Variants in RFX3 observed in about 807,000 individuals in gnomAD.
RFX3 encodes the protein regulatory factor X3.
A neutral mutation model predicts 98.6 loss-of-function variants in RFX3; 14 were observed. The ratio of observed to expected loss-of-function variants is 0.14; its 90% CI spans 0.09 to 0.22. The LOEUF (loss-of-function observed/expected upper bound fraction) is 0.22. RFX3 is among the 10% of genes least tolerant of loss of function. RFX3 has a pLI of 1.00. For synonymous variants in RFX3, 383 were observed against 328.4 expected (o/e 1.17, Z -1.80); for missense variants, 639 against 926.9 (o/e 0.69, Z 4.03).
chr9:3,220,346 CAAAA>C lies in RFX3; in HGVS notation c.*4692_*4695del. On this transcript the variant is annotated 3_prime_UTR_variant, in exon 17 of 17. Coordinates refer to ENST00000617270, the MANE Select transcript of RFX3 (RefSeq NM_001282116.2). ...TTGATTCATTTTGGGAAAAAAAAGA[CAAAA>C]AAAAAAGAAACTTAACCCTTTCTTT... The C allele has an allele frequency of 7.0e-6, 1 of 143,748 alleles. No individual in the cohort carries two copies. The highest frequency in any genetic ancestry group is 2.0e-4 in the East Asian group (1 of 4,958). The allele number at this position is 143,748 out of a possible 1,614,324, so 8.9% of individuals were successfully genotyped here. A position where few individuals can be genotyped will look rare whatever the true frequency, so the allele number is the denominator to read the frequency against.
chr9:3,297,903 A>G (rs1178034841), intron 5 of RFX3, among the ~76,000 whole-genome samples: 1 of 151,958 alleles, frequency 6.6e-6, no homozygotes, highest in East Asian at 1.9e-4. Flanking sequence ...CAAATTTACA[A>G]TGTAAAATAA....
At chr9:3,253,798 T>G (rs1232513353) in intron 14 of RFX3, among the ~76,000 whole-genome samples, 2 of 152,218 alleles carry the variant, frequency 1.3e-5, no homozygotes, top group East Asian at 3.8e-4. Flanking sequence ...TAATGGCATT[T>G]ACAAATTTAC....
intron 1 of RFX3, among the ~76,000 whole-genome samples, chr9:3,399,260 C>A (rs183739606): frequency 8.8e-4 from 131 of 148,858 alleles, no homozygotes; most frequent in African/African-American, 2.8e-3. Flanking sequence ...TACGGTGAAA[C>A]CCTGTCTCTG....
Position 3,344,234 on chromosome 9 carries a change from A to T in RFX3, c.215+2433T>A, listed in dbSNP as rs187759435. On this transcript the variant is annotated intron_variant, in intron 3 of 16. Transcript: ENST00000617270. ...GTGTGTCCTACTCTTTAGATGATAC[A>T]TAAAGCACTTTTGATAAACTGAGGT... Among the ~76,000 whole-genome samples the T allele has an allele frequency of 1.9e-4, 29 of 152,328 alleles. No individual in the cohort carries two copies. The East Asian group carries it at 4.6e-3, about 24-fold the overall frequency.
chr9:3,490,682 T>C (rs1488480317), intron 1 of RFX3, among the ~76,000 whole-genome samples: 1 of 152,106 alleles, frequency 6.6e-6, no homozygotes, highest in Non-Finnish European at 1.5e-5. Context: ...GAATATGTGC[T>C]TTTAAACTGT....
intron 1 of RFX3, among the ~76,000 whole-genome samples, chr9:3,486,128 C>CAAAAA (rs772747349): frequency 5.1e-3 from 249 of 48,778 alleles, no homozygotes; most frequent in East Asian, 7.8e-3. Flanking sequence ...TGTCTCAAAC[C>CAAAAA]AAAAAAAAAA....
At position 3,446,759 on chromosome 9, in the gene RFX3, A is replaced by C. The variant is rs112814303; in HGVS notation, c.-8-51163T>G. On this transcript the variant is annotated intron_variant, in intron 1 of 16. Coordinates refer to ENST00000617270, the MANE Select transcript of RFX3 (RefSeq NM_001282116.2). ...TTAATAAATTGGAGTAACGTATGGTACATTTTGGTTTGAGGGGCTTCTTTT... is the reference window on the plus strand; with the variant it reads ...TTAATAAATTGGAGTAACGTATGGTCCATTTTGGTTTGAGGGGCTTCTTTT... Among the ~76,000 whole-genome samples, 743 of 152,218 alleles carry C rather than the reference A, an allele frequency of 4.9e-3. 11 individuals are homozygous for C. The highest frequency in any genetic ancestry group is 0.025 in the South Asian group (119 of 4,826).
intron 1 of RFX3, among the ~76,000 whole-genome samples, chr9:3,440,393 G>T (rs1004140617): frequency 1.3e-5 from 2 of 151,954 alleles, no homozygotes; most frequent in African/African-American, 2.4e-5. Flanking sequence ...GTTTAGCAAG[G>T]TTGCAAGATA....
chr9:3,261,836 C>A (rs1822938587), intron 13 of RFX3, among the ~76,000 whole-genome samples: 1 of 152,046 alleles, frequency 6.6e-6, no homozygotes, highest in Admixed American at 6.6e-5. Context: ...TTTGCTTAGA[C>A]CCATTTTAGA....
intron 14 of RFX3, among the ~76,000 whole-genome samples, chr9:3,249,759 T>A (rs966878772): frequency 6.6e-6 from 1 of 152,062 alleles, no homozygotes; most frequent in Non-Finnish European, 1.5e-5. Flanking sequence ...TTTTGTAAGG[T>A]TCAAAGTTTA....
intron 1 of RFX3, among the ~76,000 whole-genome samples, chr9:3,451,610 C>A (rs1846644252): frequency 6.6e-6 from 1 of 152,072 alleles, no homozygotes; most frequent in African/African-American, 2.4e-5. Flanking sequence ...TGTGCAGAAG[C>A]ATTCCAAATA....
At chr9:3,416,369 G>A (rs1411783105) in intron 1 of RFX3, among the ~76,000 whole-genome samples, 2 of 152,136 alleles carry the variant, frequency 1.3e-5, no homozygotes, top group Non-Finnish European at 2.9e-5. Flanking sequence ...AGGTGTAACT[G>A]ACCTAAAGAC....
chr9:3,443,838 C>G (rs185302749), intron 1 of RFX3, among the ~76,000 whole-genome samples: 1 of 152,274 alleles, frequency 6.6e-6, no homozygotes, highest in Admixed American at 6.5e-5. Flanking sequence ...TAAAAGTATT[C>G]CTTTTTCTCC....
intron 1 of RFX3, among the ~76,000 whole-genome samples, chr9:3,485,805 C>G (rs1014809459): frequency 2.6e-5 from 4 of 152,052 alleles, no homozygotes; most frequent in African/African-American, 9.7e-5. Context: ...AATCCAAGAA[C>G]TTTAAACCTG....
chr9:3,464,525 C>T (rs1369597738), intron 1 of RFX3, among the ~76,000 whole-genome samples: 3 of 152,158 alleles, frequency 2.0e-5, no homozygotes, highest in Non-Finnish European at 1.5e-5. Flanking sequence ...AAACTACATA[C>T]TGCGTGATTC....
chr9:3,299,443 A>G (rs1458201371), intron 5 of RFX3, among the ~76,000 whole-genome samples: 1 of 151,750 alleles, frequency 6.6e-6, no homozygotes, highest in Admixed American at 6.6e-5. Flanking sequence ...CCATCCGTAG[A>G]ATCATTTTTG....
intron 1 of RFX3, among the ~76,000 whole-genome samples, chr9:3,428,889 C>T (rs893411059): frequency 6.6e-6 from 1 of 152,090 alleles, no homozygotes; most frequent in African/African-American, 2.4e-5. Context: ...CTCATTCAAA[C>T]AAATGCTTAG....
chr9:3,427,231 TAATA>T (rs1844141224), intron 1 of RFX3, among the ~76,000 whole-genome samples: 1 of 144,846 alleles, frequency 6.9e-6, no homozygotes, highest in South Asian at 2.1e-4. Context: ...TAATACAATA[TAATA>T]TATAAATAAA....
chr9:3,493,483 G>C (rs1433043627), intron 1 of RFX3, among the ~76,000 whole-genome samples: 2 of 151,818 alleles, frequency 1.3e-5, no homozygotes, highest in African/African-American at 4.8e-5. Flanking sequence ...AGGAGATCGA[G>C]ACCATTCTGG....
Sources: gnomAD v4.1 joint callset for allele counts (sites outside exome capture counted in the v4.1 genomes callset) on GRCh38, gnomAD v4.1.1 for gene constraint, MANE v1.5 for transcripts, NCBI Gene and HGNC (gene_info 2026-07-23, HGNC 2026-07-21) for gene names.